Variants in B3GLCT observed in about 807,000 individuals in gnomAD.
B3GLCT encodes the protein beta-1,3-glucosyltransferase.
Under a neutral mutation model 63.4 loss-of-function variants are expected in B3GLCT, and 65 were observed. The ratio of observed to expected loss-of-function variants is 1.03; its 90% CI spans 0.84 to 1.26. B3GLCT has a LOEUF of 1.26. B3GLCT is among the 50% of genes most tolerant of loss of function. The pLI, the probability that B3GLCT is intolerant of heterozygous loss-of-function variation, is 0.00. For missense variants in B3GLCT, 577 were observed against 604.8 expected, an observed-to-expected ratio of 0.95 and a Z score of 0.48; for synonymous variants, 233 against 219.2, an observed-to-expected ratio of 1.06 and a Z score of -0.55.
At chr13:31,237,938 T>G (rs1172240340) in intron 4 of B3GLCT, among the ~76,000 whole-genome samples, 1 of 152,200 alleles carries the variant, frequency 6.6e-6, no homozygotes, top group Non-Finnish European at 1.5e-5. Flanking sequence ...TTGCCCACCA[T>G]GAACATTCGT....
Position 31,269,278 on chromosome 13 carries a change from G to T in B3GLCT, c.660+1G>T. 2 of 1,588,718 alleles carry T rather than the reference G, an allele frequency of 1.3e-6. No homozygotes were observed. Among genetic ancestry groups the T allele is most frequent in the Non-Finnish European group, 1.7e-6 (2 of 1,157,594 alleles). ...CTTTACAATAGATTTAAAACATGAG[G>T]TATGTCATGTTTTGTTTGATTAAAA... On this transcript the variant is annotated splice_donor_variant, in intron 8 of 14. Coordinates refer to ENST00000343307, the MANE Select transcript of B3GLCT (RefSeq NM_194318.4). LOFTEE classifies it high-confidence loss of function.
At chr13:31,267,692 C>A (rs954997557) in intron 7 of B3GLCT, among the ~76,000 whole-genome samples, 1 of 152,164 alleles carries the variant, frequency 6.6e-6, no homozygotes, top group Admixed American at 6.5e-5. Flanking sequence ...TGTAATGAAG[C>A]ACATTTATCC....
chr13:31,299,317 C>T (rs1874108812), intron 12 of B3GLCT, among the ~76,000 whole-genome samples: 1 of 152,158 alleles, frequency 6.6e-6, no homozygotes, highest in South Asian at 2.1e-4. Flanking sequence ...ACATCATAGG[C>T]TGTACAGTGT....
chr13:31,251,942 A>G (rs1287925533), intron 6 of B3GLCT, among the ~76,000 whole-genome samples: 1 of 151,968 alleles, frequency 6.6e-6, no homozygotes, highest in Non-Finnish European at 1.5e-5. Context: ...GAAATGAAGG[A>G]AAAAAATGTT....
intron 4 of B3GLCT, among the ~76,000 whole-genome samples, chr13:31,242,043 A>C (rs544590954): frequency 2.6e-5 from 4 of 152,294 alleles, no homozygotes; most frequent in South Asian, 4.1e-4. Flanking sequence ...CAGCTCATTT[A>C]ACTCTATGAA....
At chr13:31,257,789 C>G (rs1415080101) in intron 6 of B3GLCT, among the ~76,000 whole-genome samples, 1 of 152,090 alleles carries the variant, frequency 6.6e-6, no homozygotes. Context: ...ATTGTATGCT[C>G]TAGTTTCTTC....
rs1875846385 is a variant in B3GLCT, at chr13:31,330,211, C to T, written c.*543C>T. The T allele has an allele frequency of 6.5e-6, 1 of 154,214 alleles. No individual in the cohort carries two copies. The highest frequency in any genetic ancestry group is 2.0e-4 in the South Asian group (1 of 4,984). The allele number at this position is 154,214 out of a possible 1,614,324, so 9.6% of individuals were successfully genotyped here. A position where few individuals can be genotyped will look rare whatever the true frequency, so the allele number is the denominator to read the frequency against. Reference sequence around the variant, plus strand: ...TACCGTATTAAGGAATAATACTGTACATAAAACATCATGAAACCCTAGATA... The same window carrying T: ...TACCGTATTAAGGAATAATACTGTATATAAAACATCATGAAACCCTAGATA... On this transcript the variant is annotated 3_prime_UTR_variant, in exon 15 of 15. Transcript: ENST00000343307.
chr13:31,264,297 C>T (rs1313861179), intron 7 of B3GLCT, among the ~76,000 whole-genome samples: 3 of 152,096 alleles, frequency 2.0e-5, no homozygotes, highest in Admixed American at 2.0e-4. Flanking sequence ...CCACAAAGCT[C>T]AGGAAATTCC....
At chr13:31,284,573 T>C in intron 10 of B3GLCT, 75 bp from the exon 11 acceptor site, 1 of 832,136 alleles carries the variant, frequency 1.2e-6, no homozygotes, top group Admixed American at 1.8e-5. Flanking sequence ...TTGTAGATGA[T>C]TATACTGCCA....
At chr13:31,204,990 T>C (rs1435788425) in intron 1 of B3GLCT, among the ~76,000 whole-genome samples, 1 of 152,210 alleles carries the variant, frequency 6.6e-6, no homozygotes, top group African/African-American at 2.4e-5. Context: ...TTAAGTATAA[T>C]GAATTTTAAG....
chr13:31,275,787 ACACACACACACG>A (rs1475970485), intron 9 of B3GLCT, among the ~76,000 whole-genome samples: 1 of 151,962 alleles, frequency 6.6e-6, no homozygotes, highest in Non-Finnish European at 1.5e-5. Flanking sequence ...ATACATAGAC[ACACACACACACG>A]CACACACACA....
At chr13:31,222,572 A>G (rs1869869276) in intron 2 of B3GLCT, among the ~76,000 whole-genome samples, 1 of 152,250 alleles carries the variant, frequency 6.6e-6, no homozygotes, top group African/African-American at 2.4e-5. Context: ...GTTCGAGACT[A>G]TCCTCTGATA....
intron 6 of B3GLCT, among the ~76,000 whole-genome samples, chr13:31,257,475 G>T (rs1193113838): frequency 2.6e-5 from 4 of 151,932 alleles, no homozygotes; most frequent in Admixed American, 2.0e-4. Flanking sequence ...CATAGGCAAA[G>T]TATCAAGAAG....
chr13:31,260,875 A>AG (rs1363119291), intron 6 of B3GLCT, 71 bp from the exon 7 acceptor site: 4 of 1,407,852 alleles, frequency 2.8e-6, no homozygotes, highest in Non-Finnish European at 4.0e-6. Flanking sequence ...TGAAACCAAT[A>AG]GTACCACCTT....
chr13:31,269,983 C>G (rs7332406), intron 8 of B3GLCT, among the ~76,000 whole-genome samples: 1 of 152,016 alleles, frequency 6.6e-6, no homozygotes, highest in African/African-American at 2.4e-5. Context: ...AGACGTATGC[C>G]TTTGTTGTGT....
intron 1 of B3GLCT, 28 bp downstream of exon 1, chr13:31,200,182 GGGCGA>G: frequency 7.9e-7 from 1 of 1,262,836 alleles, no homozygotes; most frequent in Non-Finnish European, 1.0e-6. Context: ...AGGCGCGCAA[GGGCGA>G]GGCGTGGGGT....
intron 12 of B3GLCT, among the ~76,000 whole-genome samples, chr13:31,291,155 A>G (rs1873636941): frequency 6.6e-6 from 1 of 152,014 alleles, no homozygotes; most frequent in Non-Finnish European, 1.5e-5. Flanking sequence ...ATGGTTGTAG[A>G]TGTGTGGCAT....
chr13:31,213,708 CA>C (rs1358736278), intron 1 of B3GLCT, among the ~76,000 whole-genome samples: 1 of 131,256 alleles, frequency 7.6e-6, no homozygotes, highest in Non-Finnish European at 1.5e-5. Flanking sequence ...AAGTGATAAA[CA>C]AATATATATG....
chr13:31,287,053 T>C (rs1873370918), intron 12 of B3GLCT, among the ~76,000 whole-genome samples: 1 of 152,218 alleles, frequency 6.6e-6, no homozygotes, highest in South Asian at 2.1e-4. Flanking sequence ...AGGTGAGTTC[T>C]ATGACTGCCA....
Sources: allele counts gnomAD v4.1 joint callset (sites outside exome capture counted in the v4.1 genomes callset), GRCh38; gene constraint gnomAD v4.1.1; transcripts MANE v1.5; gene names NCBI Gene and HGNC (gene_info 2026-07-23, HGNC 2026-07-21).